The following CC2D2A variants were observed in gnomAD, a reference collection of about 807,000 sequenced individuals.
CC2D2A encodes the protein coiled-coil and C2 domain containing 2A, also known as coiled-coil and C2 domain-containing protein 2A.
A neutral mutation model predicts 212.9 loss-of-function variants in CC2D2A; 155 were observed. That is an observed-to-expected ratio of 0.73 (90% CI 0.64 to 0.83). The LOEUF (loss-of-function observed/expected upper bound fraction) is 0.83, where lower values mean the gene tolerates loss of function less well. Among genes scored for constraint, CC2D2A ranks in the 40% least tolerant of loss-of-function variants. The pLI, the probability that CC2D2A is intolerant of heterozygous loss-of-function variation, is 0.00. For synonymous variants in CC2D2A, 667 were observed against 686.5 expected (o/e 0.97, Z 0.44); for missense variants, 1,856 against 1,956.2 (o/e 0.95, Z 0.97).
At chr4:15,490,830 GTTA>G (rs1715261877) in intron 4 of CC2D2A, among the ~76,000 whole-genome samples, 4 of 151,958 alleles carry the variant, frequency 2.6e-5, no homozygotes, top group Admixed American at 2.6e-4. Flanking sequence ...GACCTAATTG[GTTA>G]TTTTCATAAG....
At chr4:15,530,004 C>G (rs564360021) in intron 13 of CC2D2A, among the ~76,000 whole-genome samples, 5 of 72,480 alleles carry the variant, frequency 6.9e-5, no homozygotes, top group African/African-American at 1.7e-4. Context: ...CGGAGTCTCA[C>G]TCTGTCGCCC....
chr4:15,549,589 G>A (rs1268629424), intron 17 of CC2D2A, among the ~76,000 whole-genome samples: 1 of 152,162 alleles, frequency 6.6e-6, no homozygotes, highest in Admixed American at 6.5e-5. Flanking sequence ...GATCACTTGA[G>A]GTCAGGAGTT....
intron 5 of CC2D2A, 61 bp from the exon 6 acceptor site, chr4:15,502,761 A>G: frequency 7.2e-7 from 1 of 1,392,290 alleles, no homozygotes; most frequent in Non-Finnish European, 1.0e-6. Context: ...TGTATTTTTT[A>G]CTGATTATTT....
At chr4:15,572,203 ACAC>A (rs1720203192) in intron 28 of CC2D2A, among the ~76,000 whole-genome samples, 1 of 152,206 alleles carries the variant, frequency 6.6e-6, no homozygotes, top group South Asian at 2.1e-4. Flanking sequence ...AAACCTCACA[ACAC>A]AATTGGCATT....
intron 30 of CC2D2A, among the ~76,000 whole-genome samples, chr4:15,582,813 A>G (rs1277942254): frequency 6.6e-6 from 1 of 152,152 alleles, no homozygotes; most frequent in Non-Finnish European, 1.5e-5. Context: ...AAAAAAAATT[A>G]AAGAAGAGGG....
intron 28 of CC2D2A, among the ~76,000 whole-genome samples, chr4:15,571,218 C>G (rs375825404): frequency 5.3e-5 from 8 of 152,296 alleles, no homozygotes; most frequent in African/African-American, 1.7e-4. Flanking sequence ...AAAGCCCATT[C>G]AATCAAGTGC....
chr4:15,519,821 A>C (rs998419794), intron 11 of CC2D2A: 24 of 306,974 alleles, frequency 7.8e-5, no homozygotes, highest in Admixed American at 7.7e-4. Context: ...CCTCCCACCC[A>C]GTTCCTCTCA....
At chr4:15,533,606 A>G (rs1717969260) in intron 14 of CC2D2A, among the ~76,000 whole-genome samples, 1 of 152,164 alleles carries the variant, frequency 6.6e-6, no homozygotes, top group Non-Finnish European at 1.5e-5. Context: ...ATATAGTTTA[A>G]TATTGCCTGT....
rs1721583139 is a variant in CC2D2A at position 15,601,280 on chromosome 4, C to G, written c.4718C>G (p.Pro1573Arg). ...PLHMPYSEVKPLIDAVYSTGV... is the reference protein window; with the variant it reads ...PLHMPYSEVKRLIDAVYSTGV... ...CACATGCCTTATTCTGAAGTGAAGC[C>G]TTTAATTGACGCTGTGTATAGTACT... The change falls in exon 37 of 37, where the codon CCT becomes CGT. Residue 1573 changes from proline to arginine, a missense_variant. By Grantham distance (103) the Pro-to-Arg change is moderately radical (BLOSUM62 -2). Transcript: ENST00000424120. 1 of 1,612,884 alleles carries G rather than the reference C, an allele frequency of 6.2e-7. No individual in the cohort carries two copies. Among genetic ancestry groups the G allele is most frequent in the African/African-American group, 1.3e-5 (1 of 74,886 alleles).
chr4:15,530,183 A>G (rs750335831), intron 13 of CC2D2A, among the ~76,000 whole-genome samples: 161 of 152,164 alleles, frequency 1.1e-3, no homozygotes, highest in South Asian at 4.1e-3. Flanking sequence ...GCGTTAGCCA[A>G]GATGGTCTAG....
chr4:15,539,209 T>C (rs1260851439), intron 16 of CC2D2A, among the ~76,000 whole-genome samples: 2 of 152,198 alleles, frequency 1.3e-5, no homozygotes, highest in Admixed American at 6.5e-5. Flanking sequence ...ACCTGAGACT[T>C]ACTGAACCTG....
In CC2D2A at chr4:15,478,723, GA is replaced by G. The variant is rs1237145506; in HGVS notation, c.41del (p.Glu14GlyfsTer60). On this transcript the variant is annotated frameshift_variant and splice_region_variant, in exon 3 of 37. Transcript: ENST00000424120. LOFTEE classifies it high-confidence loss of function. ...CTCTCCCTTTTGCATTTTCACAAAG[GA>G]GTTCATTGAAAATGATGAGGATGCA... ...REEKVKIITE[E>X]FIENDEDADM... 2 of 1,552,040 alleles carry G rather than the reference GA, an allele frequency of 1.3e-6. No homozygotes were observed. Among genetic ancestry groups the G allele is most frequent in the African/African-American group, 2.7e-5 (2 of 73,006 alleles).
intron 29 of CC2D2A, among the ~76,000 whole-genome samples, chr4:15,579,674 A>C (rs1191506724): frequency 6.6e-6 from 1 of 152,238 alleles, no homozygotes; most frequent in African/African-American, 2.4e-5. Context: ...CAGAATTAGT[A>C]CATCACAGTT....
At chr4:15,569,473 A>G (rs1720057507) in intron 27 of CC2D2A, 84 bp downstream of exon 27, 2 of 779,020 alleles carry the variant, frequency 2.6e-6, no homozygotes, top group African/African-American at 3.4e-5. Context: ...CATTGTTACC[A>G]GAAAGGGGTC....
chr4:15,592,278 A>G (rs1053523057), intron 33 of CC2D2A, among the ~76,000 whole-genome samples: 42 of 152,284 alleles, frequency 2.8e-4, no homozygotes, highest in African/African-American at 9.6e-4. Flanking sequence ...CAACCTGGCT[A>G]TACACCTAAA....
chr4:15,510,253 G>A lies in CC2D2A; in HGVS notation c.540+13G>A. On this transcript the variant is annotated intron_variant, in intron 7 of 36. Transcript: ENST00000424120. ...GCCTAAACCCCAGGTGAGAAATCTT[G>A]TTTTTTAAAATCATTTGTTTGTTTG... 1 of 1,599,968 alleles carries A rather than the reference G, an allele frequency of 6.3e-7. No individual in the cohort carries two copies. The highest frequency in any genetic ancestry group is 8.5e-7 in the Non-Finnish European group (1 of 1,170,674).
At chr4:15,493,817 G>T (rs751328300) in intron 4 of CC2D2A, among the ~76,000 whole-genome samples, 3 of 152,206 alleles carry the variant, frequency 2.0e-5, no homozygotes, top group African/African-American at 7.2e-5. Flanking sequence ...TTGGTTGAAT[G>T]ATTGAAGGGT....
chr4:15,479,372 G>T (rs1000248164), intron 3 of CC2D2A: 31 of 1,430,208 alleles, frequency 2.2e-5, no homozygotes, highest in Non-Finnish European at 3.0e-5. Context: ...GGGAGGCAGG[G>T]AAGCAGCTAT....
rs542521538 is a variant in CC2D2A, at chr4:15,532,557, G to A, written c.1467-636G>A. Among the ~76,000 whole-genome samples the A allele has an allele frequency of 8.5e-5, 13 of 152,278 alleles. No homozygotes were observed. The South Asian group carries it at 1.9e-3, about 22-fold the overall frequency. On this transcript the variant is annotated intron_variant, in intron 13 of 36. Coordinates refer to ENST00000424120, the MANE Select transcript of CC2D2A (RefSeq NM_001378615.1). ...TGTCTCTTAGACACTTCTAAATCCC[G>A]TGGAATGACTCATGGCACTTGTTCA...
Sources: gnomAD v4.1 joint callset for allele counts (sites outside exome capture counted in the v4.1 genomes callset) on GRCh38, gnomAD v4.1.1 for gene constraint, MANE v1.5 for transcripts, NCBI Gene and HGNC (gene_info 2026-07-23, HGNC 2026-07-21) for gene names.